PAG1: variants seen among roughly 807,000 people sequenced by gnomAD.
PAG1 encodes phosphoprotein associated with glycosphingolipid-enriched microdomains 1.
Under a neutral mutation model 31.7 loss-of-function variants are expected in PAG1, and 23 were observed. The ratio of observed to expected loss-of-function variants is 0.73; its 90% CI spans 0.52 to 1.03. The LOEUF is 1.03. PAG1 is among the 50% of genes least tolerant of loss of function. The probability of loss-of-function intolerance (pLI) is 0.00; values close to 1 mark genes in which losing one functional copy is unlikely to be tolerated. For missense variants in PAG1, 473 were observed against 540.7 expected (o/e 0.87, Z 1.24); for synonymous variants, 214 against 210.3 (o/e 1.02, Z -0.15).
intron 3 of PAG1, among the ~76,000 whole-genome samples, chr8:81,017,292 T>C (rs144609660): frequency 4.1e-4 from 63 of 152,328 alleles, no homozygotes; most frequent in African/African-American, 1.5e-3. Context: ...CACTAAGATT[T>C]CTCTAACAAA....
chr8:81,063,772 T>C (rs1317919339), intron 2 of PAG1, among the ~76,000 whole-genome samples: 1 of 152,080 alleles, frequency 6.6e-6, no homozygotes, highest in African/African-American at 2.4e-5. Flanking sequence ...GTGATTTTAT[T>C]GGGGAACTTA....
intron 1 of PAG1, among the ~76,000 whole-genome samples, chr8:81,084,072 T>C (rs930282059): frequency 6.6e-6 from 1 of 151,600 alleles, no homozygotes; most frequent in Non-Finnish European, 1.5e-5. Context: ...CTCTGGGAAA[T>C]ACGACTCAAA....
At chr8:81,066,926 C>T (rs1308769864) in intron 2 of PAG1, among the ~76,000 whole-genome samples, 1 of 152,026 alleles carries the variant, frequency 6.6e-6, no homozygotes, top group African/African-American at 2.4e-5. Flanking sequence ...TTTGGGAAGC[C>T]AAAGTGGGAG....
At chr8:81,085,733 T>C (rs1809340525) in intron 1 of PAG1, among the ~76,000 whole-genome samples, 1 of 152,202 alleles carries the variant, frequency 6.6e-6, no homozygotes, top group Non-Finnish European at 1.5e-5. Flanking sequence ...TCCAGGTGCC[T>C]GAGACCTAAA....
At position 80,974,788 on chromosome 8, in the gene PAG1, TTTTC is replaced by T. The variant is rs1224753984; in HGVS notation, c.*1752_*1755del. ...GGGGATGAAATAATTTCCTCATTTT[TTTTC>T]TTTATCAGTGTAGGAAAAGCTGTCT... On this transcript the variant is annotated 3_prime_UTR_variant, in exon 9 of 9. Coordinates refer to ENST00000220597, the MANE Select transcript of PAG1 (RefSeq NM_018440.4). The T allele has an allele frequency of 6.6e-6, 1 of 152,232 alleles. No individual in the cohort carries two copies. The highest frequency in any genetic ancestry group is 1.5e-5 in the Non-Finnish European group (1 of 68,042). The allele number at this position is 152,232 out of a possible 1,614,324, so 9.4% of individuals were successfully genotyped here.
At chr8:81,093,884 G>T (rs142378797) in intron 1 of PAG1, among the ~76,000 whole-genome samples, 1 of 152,318 alleles carries the variant, frequency 6.6e-6, no homozygotes, top group Non-Finnish European at 1.5e-5. Flanking sequence ...CAAACGGCCT[G>T]CCTTGCCCTG....
intron 2 of PAG1, among the ~76,000 whole-genome samples, chr8:81,055,707 C>G (rs1400439737): frequency 2.0e-5 from 3 of 152,090 alleles, no homozygotes; most frequent in Admixed American, 2.0e-4. Flanking sequence ...GTATTTTATT[C>G]TCTTTGAAGC....
chr8:80,976,501 C>T lies in PAG1; in HGVS notation c.*43G>A. 6.4e-7 allele frequency: 1 copy of T among 1,558,194 alleles called. No individual in the cohort carries two copies. Among genetic ancestry groups the T allele is most frequent in the Non-Finnish European group, 8.6e-7 (1 of 1,157,018 alleles). On this transcript the variant is annotated 3_prime_UTR_variant, in exon 9 of 9. Coordinates refer to ENST00000220597, the MANE Select transcript of PAG1 (RefSeq NM_018440.4). ...CTTCTCTTCCACAGAAGAAACGTCT[C>T]CAGACACTGATCACAGGCTACCCAG...
intron 1 of PAG1, among the ~76,000 whole-genome samples, chr8:81,094,170 C>T (rs1287713519): frequency 2.0e-5 from 3 of 152,098 alleles, no homozygotes; most frequent in Middle Eastern, 3.2e-3. Context: ...ACCTATACCC[C>T]AGGAGGGACA....
chr8:81,071,680 T>C (rs536801732), intron 1 of PAG1, among the ~76,000 whole-genome samples: 60 of 152,276 alleles, frequency 3.9e-4, no homozygotes, highest in African/African-American at 1.3e-3. Flanking sequence ...CTCTGTGCTA[T>C]ATACAAGGGG....
intron 3 of PAG1, among the ~76,000 whole-genome samples, chr8:81,017,184 T>C (rs1054080038): frequency 2.6e-5 from 4 of 152,234 alleles, no homozygotes; most frequent in Non-Finnish European, 5.9e-5. Flanking sequence ...AGATCCTTTG[T>C]ATTCTTTGGG....
At chr8:81,007,734 C>A (rs1056195866) in intron 3 of PAG1, among the ~76,000 whole-genome samples, 1 of 151,752 alleles carries the variant, frequency 6.6e-6, no homozygotes, top group Non-Finnish European at 1.5e-5. Context: ...CACTTCTCTG[C>A]CACTGAGGCT....
intron 1 of PAG1, among the ~76,000 whole-genome samples, chr8:81,111,278 C>T (rs1809769254): frequency 6.6e-6 from 1 of 152,146 alleles, no homozygotes; most frequent in South Asian, 2.1e-4. Flanking sequence ...CCTGCCCAGC[C>T]CCTTCACCCC....
intron 2 of PAG1, among the ~76,000 whole-genome samples, chr8:81,059,274 C>CT (rs34306813): frequency 0.56 from 82,419 of 146,668 alleles, 23,362 homozygotes; most frequent in East Asian, 0.84. Flanking sequence ...GGCAAACATT[C>CT]TTTTTTTTTT....
rs187030727 is a variant in PAG1 at position 80,982,158 on chromosome 8, G to A, written c.877-1664C>T. The stretch of plus-strand genomic sequence containing the variant: ...TACGATTACAGGCATGAGTCACTGC[G>A]CCCAGCCTGTCTCACTTCTTTATAG... On this transcript the variant is annotated intron_variant, in intron 7 of 8. Coordinates refer to ENST00000220597, the MANE Select transcript of PAG1 (RefSeq NM_018440.4). Among the ~76,000 whole-genome samples, 850 of 152,146 alleles carry A rather than the reference G, an allele frequency of 5.6e-3. 6 individuals are homozygous for A. Among genetic ancestry groups the A allele is most frequent in the South Asian group, 0.041 (198 of 4,822 alleles).
chr8:81,064,151 CAACCATT>C (rs1808965328), intron 2 of PAG1, among the ~76,000 whole-genome samples: 1 of 152,176 alleles, frequency 6.6e-6, no homozygotes, highest in African/African-American at 2.4e-5. Flanking sequence ...CAGTGGTCCC[CAACCATT>C]CTGGCACCAG....
chr8:81,079,449 T>C (rs1032193296), intron 1 of PAG1, among the ~76,000 whole-genome samples: 2 of 152,196 alleles, frequency 1.3e-5, no homozygotes, highest in African/African-American at 4.8e-5. Flanking sequence ...TCTGGATGTC[T>C]ACTCTGTAAC....
chr8:80,976,562 T>G lies in PAG1; in HGVS notation c.1281A>C (p.Arg427Ser). The G allele has an allele frequency of 6.2e-7, 1 of 1,612,662 alleles. No homozygotes were observed. Among genetic ancestry groups the G allele is most frequent in the Non-Finnish European group, 8.5e-7 (1 of 1,179,518 alleles). ...YESISDLQQG[R>S]DITRL is the part of the protein sequence containing the mutation. ...TGGGTTGCTAGAGCCTGGTAATATC[T>G]CTGCCTTGCTGCAAGTCACTTATGC... The change falls in exon 9 of 9, where the codon AGA (arginine) becomes AGC (serine). Residue 427 changes from arginine (R) to serine (S), a missense_variant. Coordinates refer to ENST00000220597, the MANE Select transcript of PAG1 (RefSeq NM_018440.4).
chr8:81,086,412 C>T (rs11995545), intron 1 of PAG1, among the ~76,000 whole-genome samples: 18,159 of 151,888 alleles, frequency 0.12, 3,653 homozygotes, highest in African/African-American at 0.41. Flanking sequence ...TTTTTTCATC[C>T]TCAGACAGGA....
Sources: allele counts gnomAD v4.1 joint callset (sites outside exome capture counted in the v4.1 genomes callset), GRCh38; gene constraint gnomAD v4.1.1; transcripts MANE v1.5; gene names NCBI Gene and HGNC (gene_info 2026-07-23, HGNC 2026-07-21).